The following MTX3 variants were observed in gnomAD, a reference collection of about 807,000 sequenced individuals.
The protein encoded by MTX3 is metaxin-3.
Under a neutral mutation model 42.5 loss-of-function variants are expected in MTX3, and 27 were observed. The observed-to-expected ratio is 0.64, with a 90% CI of 0.47 to 0.88. The LOEUF is 0.88. MTX3 is among the 40% of genes least tolerant of loss of function. The pLI, the probability that MTX3 is intolerant of heterozygous loss-of-function variation, is 0.00. For missense variants in MTX3, 378 were observed against 367.0 expected (o/e 1.03, Z -0.25); for synonymous variants, 144 against 132.9 (o/e 1.08, Z -0.57).
chr5:79,989,715 G>A (rs1293518562), intron 3 of MTX3, among the ~76,000 whole-genome samples: 1 of 152,002 alleles, frequency 6.6e-6, no homozygotes, highest in Non-Finnish European at 1.5e-5. Context: ...AAACATTTTG[G>A]ATACATAATT....
Position 79,979,523 on chromosome 5 carries a change from G to A in MTX3, c.*4161C>T, listed in dbSNP as rs546386694. On this transcript the variant is annotated 3_prime_UTR_variant, in exon 9 of 9. Transcript: ENST00000512528. ...CCAAATCAAGACAAAGACAATTACA[G>A]CTTAAAACGAAAAGCTACACCTTCT... is the stretch of plus-strand genomic sequence containing the variant. 2 of 152,262 alleles carry A rather than the reference G, an allele frequency of 1.3e-5. No individual in the cohort carries two copies. Among genetic ancestry groups the A allele is most frequent in the Admixed American group, 1.3e-4 (2 of 15,294 alleles). 9.4% of individuals were successfully genotyped at this position (152,262 alleles called of 1,614,324 possible). A position where few individuals can be genotyped will look rare whatever the true frequency, so the allele number is the denominator to read the frequency against.
chr5:79,987,202 G>C (rs1258213797), intron 6 of MTX3, 95 bp from the exon 7 acceptor site: 1 of 1,093,458 alleles, frequency 9.1e-7, no homozygotes, highest in Non-Finnish European at 1.3e-6. Flanking sequence ...TACTTTGGGA[G>C]ATCAAGCGGG....
rs1363915792 is a variant in MTX3, at chr5:79,990,591, T to C, written c.151+3A>G. The C allele has an allele frequency of 1.3e-6, 2 of 1,594,380 alleles. No homozygotes were observed. Among genetic ancestry groups the C allele is most frequent in the South Asian group, 1.1e-5 (1 of 88,902 alleles). ...AAGGGGAGTGTAAAGGTTTACACTA[T>C]ACCTCTTGAACCTCTCCAGGTGTTA... On this transcript the variant is annotated splice_donor_region_variant and intron_variant, in intron 2 of 8. Coordinates refer to ENST00000512528, the MANE Select transcript of MTX3 (RefSeq NM_001363818.2).
At chr5:79,986,783 AC>A (rs1321896829) in intron 7 of MTX3, 166 bp downstream of exon 7, 3 of 618,894 alleles carry the variant, frequency 4.8e-6, no homozygotes, top group Non-Finnish European at 8.4e-6. Flanking sequence ...ATAAGAACTA[AC>A]ATGAGAATAA....
At position 79,981,435 on chromosome 5, in the gene MTX3, T is replaced by G. The variant is rs1243293002; in HGVS notation, c.*2249A>C. ...TGACACAAAAACAAATAAATCATAT[T>G]GACAGTCATTCCCTCTACTAAAAAA... On this transcript the variant is annotated 3_prime_UTR_variant, in exon 9 of 9. Transcript: ENST00000512528. The G allele has an allele frequency of 6.6e-6, 1 of 152,180 alleles. No individual in the cohort carries two copies. The highest frequency in any genetic ancestry group is 2.4e-5 in the African/African-American group (1 of 41,456). The allele number at this position is 152,180 out of a possible 1,614,324, so 9.4% of individuals were successfully genotyped here. A position where few individuals can be genotyped will look rare whatever the true frequency, so the allele number is the denominator to read the frequency against.
chr5:79,988,429 G>C, intron 5 of MTX3, 33 bp downstream of exon 5: 1 of 1,592,316 alleles, frequency 6.3e-7, no homozygotes, highest in South Asian at 1.1e-5. Flanking sequence ...TTTCTCTCTA[G>C]GGCCCTTGCT....
chr5:79,991,225 A>G lies in MTX3; in HGVS notation c.14T>C (p.Leu5Ser). The G allele has an allele frequency of 6.8e-7, 1 of 1,460,704 alleles. No homozygotes were observed. The allele number at this position is 1,460,704 out of a possible 1,614,324, so 90.5% of individuals were successfully genotyped here. Reference sequence around the variant, plus strand: ...GCCGCCTCCCCAGCAACTGAGTTCCAAGGGGGCCGCCATCTTGCGCGGGCC... The same window carrying G: ...GCCGCCTCCCCAGCAACTGAGTTCCGAGGGGGCCGCCATCTTGCGCGGGCC... MAAP[L>S]ELSCWGGGWG... The change falls in exon 1 of 9, where the codon TTG becomes TCG. Residue 5 changes from leucine (L) to serine (S), a missense_variant. Leu to Ser is a moderately radical substitution (Grantham distance 145). Transcript: ENST00000512528.
Position 79,988,651 on chromosome 5 carries a change from A to C in MTX3, c.322-7T>G, listed in dbSNP as rs192253609. 2.3e-5 allele frequency: 36 copies of C among 1,562,522 alleles called. No individual in the cohort carries two copies. The East Asian group carries it at 7.9e-4, about 34-fold the overall frequency. On this transcript the variant is annotated splice_polypyrimidine_tract_variant and splice_region_variant and intron_variant, in intron 4 of 8. Transcript: ENST00000512528. ...CAACCCAGAATGTGTGAAGCTGCAA[A>C]AGAAGAGAAAAAACACTACAAGGAT...
rs993311039 is a variant in MTX3 at position 79,980,526 on chromosome 5, C to A, written c.*3158G>T. 3 of 151,220 alleles carry A rather than the reference C, an allele frequency of 2.0e-5. No homozygotes were observed. The highest frequency in any genetic ancestry group is 6.6e-5 in the Admixed American group (1 of 15,200). 9.4% of individuals were successfully genotyped at this position (151,220 alleles called of 1,614,324 possible). On this transcript the variant is annotated 3_prime_UTR_variant, in exon 9 of 9. Transcript: ENST00000512528. ...TCAAAACACAGTTTTGAAGGAATGA[C>A]CACCTTCAATGTTCTTTACAGCTTC...
chr5:79,977,804 C>T lies in MTX3; in HGVS notation c.*5880G>A, dbSNP rs964162605. ...CTTCCTTTGCTTTGTCACTGAGCAA[C>T]TATAAGCTTTCTATGATGTATGTAT... On this transcript the variant is annotated 3_prime_UTR_variant, in exon 9 of 9. Transcript: ENST00000512528. 6.6e-6 allele frequency: 1 copy of T among 152,250 alleles called. No individual in the cohort carries two copies. The highest frequency in any genetic ancestry group is 1.5e-5 in the Non-Finnish European group (1 of 68,046). The allele number at this position is 152,250 out of a possible 1,614,324, so 9.4% of individuals were successfully genotyped here. A position where few individuals can be genotyped will look rare whatever the true frequency, so the allele number is the denominator to read the frequency against.
rs895255715 is a variant in MTX3, at chr5:79,980,095, G to T, written c.*3589C>A. On this transcript the variant is annotated 3_prime_UTR_variant, in exon 9 of 9. Coordinates refer to ENST00000512528, the MANE Select transcript of MTX3 (RefSeq NM_001363818.2). ...AAGCATTTATATCTAGGTTTTAAAA[G>T]GGTTGAAGTTTTTGACAGTTGATGA... 5.3e-5 allele frequency: 8 copies of T among 152,138 alleles called. No individual in the cohort carries two copies. Among genetic ancestry groups the T allele is most frequent in the Middle Eastern group, 3.4e-3 (1 of 294 alleles). The allele number at this position is 152,138 out of a possible 1,614,324, so 9.4% of individuals were successfully genotyped here.
chr5:79,986,373 C>A (rs1831489415), intron 7 of MTX3, among the ~76,000 whole-genome samples: 1 of 152,238 alleles, frequency 6.6e-6, no homozygotes. Context: ...AGCCAACCAT[C>A]CCAATAGAAA....
chr5:79,987,205 C>A, intron 6 of MTX3, 98 bp from the exon 7 acceptor site: 2 of 1,022,888 alleles, frequency 2.0e-6, no homozygotes, highest in South Asian at 1.6e-5. Flanking sequence ...TTTGGGAGAT[C>A]AAGCGGGGGC....
intron 8 of MTX3, among the ~76,000 whole-genome samples, chr5:79,985,265 C>T (rs964071910): frequency 2.6e-5 from 4 of 151,994 alleles, no homozygotes; most frequent in Non-Finnish European, 5.9e-5. Context: ...ACAGGAGTGA[C>T]CCACCGCGCC....
intron 1 of MTX3, 57 bp downstream of exon 1, chr5:79,991,101 C>T: frequency 2.0e-6 from 3 of 1,488,884 alleles, no homozygotes; most frequent in South Asian, 1.2e-5. Context: ...GCAAGTCAGC[C>T]TGGCGCCTCC....
intron 7 of MTX3, chr5:79,986,591 T>C: frequency 2.7e-6 from 1 of 371,804 alleles, no homozygotes; most frequent in South Asian, 2.0e-5. Flanking sequence ...AAAAATCATT[T>C]AAAGTAATTG....
rs953752924 is a variant in MTX3 at position 79,980,286 on chromosome 5, T to C, written c.*3398A>G. The C allele has an allele frequency of 6.6e-6, 1 of 152,196 alleles. No individual in the cohort carries two copies. The highest frequency in any genetic ancestry group is 2.1e-4 in the South Asian group (1 of 4,832). The allele number at this position is 152,196 out of a possible 1,614,324, so 9.4% of individuals were successfully genotyped here. A position where few individuals can be genotyped will look rare whatever the true frequency, so the allele number is the denominator to read the frequency against. On this transcript the variant is annotated 3_prime_UTR_variant, in exon 9 of 9. Transcript: ENST00000512528. Reference sequence around the variant, plus strand: ...TACCTGTTTCTGCCTCTTTCAATGGTGTTTTTCCATTTTTACAGACTTCTG... The same window carrying C: ...TACCTGTTTCTGCCTCTTTCAATGGCGTTTTTCCATTTTTACAGACTTCTG...
rs1247784680 is a variant in MTX3 at position 79,991,132 on chromosome 5, C to A, written c.81+26G>T. 5.2e-6 allele frequency: 8 copies of A among 1,544,464 alleles called. No individual in the cohort carries two copies. The African/African-American group carries it at 5.5e-5, about 11-fold the overall frequency. On this transcript the variant is annotated intron_variant, in intron 1 of 8. Transcript: ENST00000512528. ...CCTCCAGCCCCGCCCCTTCCTCCTG[C>A]GCCCTGGCCCGCGAGGCGGCCTCAC...
At position 79,976,756 on chromosome 5, in the gene MTX3, A is replaced by C. The variant is rs1312321115; in HGVS notation, c.*6928T>G. 1 of 152,638 alleles carries C rather than the reference A, an allele frequency of 6.6e-6. No individual in the cohort carries two copies. Among genetic ancestry groups the C allele is most frequent in the Non-Finnish European group, 1.5e-5 (1 of 68,046 alleles). 9.5% of individuals were successfully genotyped at this position (152,638 alleles called of 1,614,324 possible). On this transcript the variant is annotated 3_prime_UTR_variant, in exon 9 of 9. Coordinates refer to ENST00000512528, the MANE Select transcript of MTX3 (RefSeq NM_001363818.2). The stretch of plus-strand genomic sequence containing the variant: ...GAGATTTGAGATTTTTATTGAGAAA[A>C]TAGCTATTTTGACATTATATCCAGT...
Sources: gnomAD v4.1 joint callset for allele counts (sites outside exome capture counted in the v4.1 genomes callset) on GRCh38, gnomAD v4.1.1 for gene constraint, MANE v1.5 for transcripts, NCBI Gene and HGNC (gene_info 2026-07-23, HGNC 2026-07-21) for gene names.